Variants in TTC29 observed in about 807,000 individuals in gnomAD.
The protein encoded by TTC29 is tetratricopeptide repeat protein 29.
TTC29 carries 49 observed loss-of-function variants against 58.1 expected under a neutral mutation model. The observed-to-expected ratio is 0.84, with a 90% CI of 0.67 to 1.07. The LOEUF is 1.07. Among genes scored for constraint, TTC29 ranks in the 50% least tolerant of loss-of-function variants. The probability of loss-of-function intolerance (pLI) is 0.00; values close to 1 mark genes in which losing one functional copy is unlikely to be tolerated. For synonymous variants in TTC29, 209 were observed against 196.8 expected (o/e 1.06, Z -0.52); for missense variants, 582 against 555.6 (o/e 1.05, Z -0.48).
intron 6 of TTC29, among the ~76,000 whole-genome samples, chr4:146,887,985 A>C (rs1442995598): frequency 6.6e-6 from 1 of 152,068 alleles, no homozygotes; most frequent in African/African-American, 2.4e-5. Context: ...GACAAAGAGA[A>C]TATGTGCTGA....
intron 6 of TTC29, among the ~76,000 whole-genome samples, chr4:146,886,065 T>C (rs1197453578): frequency 6.6e-6 from 1 of 152,144 alleles, no homozygotes; most frequent in Non-Finnish European, 1.5e-5. Context: ...CTGTATTATA[T>C]ATAATGCATA....
At chr4:146,899,596 A>T (rs917660736) in intron 6 of TTC29, among the ~76,000 whole-genome samples, 5 of 151,942 alleles carry the variant, frequency 3.3e-5, no homozygotes, top group Admixed American at 2.6e-4. Context: ...CACACCAAAG[A>T]CCCATTTTTA....
chr4:146,707,196 A>T lies in TTC29; in HGVS notation c.1398-8T>A. On this transcript the variant is annotated splice_polypyrimidine_tract_variant and splice_region_variant and intron_variant, in intron 12 of 12. Transcript: ENST00000325106. ...TTTTGATCACCTGGAAACCTGAAAT[A>T]AAATAAATTATAAATTTAACTTTTA... 6.7e-7 allele frequency: 1 copy of T among 1,486,088 alleles called. No homozygotes were observed. Among genetic ancestry groups the T allele is most frequent in the South Asian group, 1.4e-5 (1 of 73,500 alleles). 92.1% of individuals were successfully genotyped at this position (1,486,088 alleles called of 1,614,324 possible).
In TTC29 at chr4:146,803,073, A is replaced by T. The variant is rs192762012; in HGVS notation, c.1330+384T>A. 8.6e-4 allele frequency among the ~76,000 whole-genome samples: 131 copies of T among 152,324 alleles called. 4 individuals are homozygous for T. The South Asian group carries it at 0.012, about 14-fold the overall frequency. On this transcript the variant is annotated intron_variant, in intron 11 of 12. Coordinates refer to ENST00000325106, the MANE Select transcript of TTC29 (RefSeq NM_031956.4). ...TACTTATCAGTAAAGTAAGCGCATA[A>T]AACAAATTAGCATTCATCTACAGTC...
intron 10 of TTC29, among the ~76,000 whole-genome samples, chr4:146,809,853 G>T (rs1024841900): frequency 6.7e-6 from 1 of 149,828 alleles, no homozygotes; most frequent in African/African-American, 2.5e-5. Flanking sequence ...AAGACAGGGT[G>T]GCAATTTCTC....
rs144956285 is a variant in TTC29, at chr4:146,742,102, G to A, written c.1331-34551C>T. Among the ~76,000 whole-genome samples the A allele has an allele frequency of 2.3e-3, 346 of 152,334 alleles. 4 individuals are homozygous for A. Among genetic ancestry groups the A allele is most frequent in the African/African-American group, 8.0e-3 (333 of 41,584 alleles). ...AGGCCATGATTTGAACCTAGATCAT[G>A]TGACCCCAGAGTTGGCACTTTGCAT... On this transcript the variant is annotated intron_variant, in intron 11 of 12. Coordinates refer to ENST00000325106, the MANE Select transcript of TTC29 (RefSeq NM_031956.4).
intron 8 of TTC29, among the ~76,000 whole-genome samples, chr4:146,842,888 T>C (rs1728936798): frequency 6.6e-6 from 1 of 152,190 alleles, no homozygotes; most frequent in Non-Finnish European, 1.5e-5. Flanking sequence ...CTTGAAATCA[T>C]TGTCAAATCT....
intron 5 of TTC29, 94 bp from the exon 6 acceptor site, chr4:146,903,823 T>G: frequency 1.1e-6 from 1 of 946,374 alleles, no homozygotes; most frequent in Non-Finnish European, 1.4e-6. Flanking sequence ...CTTCCTATTT[T>G]TCCTTAAAGA....
At position 146,857,277 on chromosome 4, in the gene TTC29, A is replaced by AGTGTGTGTGTGTGT. The variant is rs70958531; in HGVS notation, c.885+10207_885+10220dup. Among the ~76,000 whole-genome samples the AGTGTGTGTGTGTGT allele has an allele frequency of 8.4e-3, 1,252 of 149,412 alleles. 15 individuals are homozygous for AGTGTGTGTGTGTGT. The highest frequency in any genetic ancestry group is 0.03 in the African/African-American group (1,203 of 40,642). On this transcript the variant is annotated intron_variant, in intron 8 of 12. Transcript: ENST00000325106. ...GGCGCTGTTTGTGTACTAGTGGAAG[A>AGTGTGTGTGTGTGT]GTGTGTGTGTGTGTGTGTGTGGAGG...
At chr4:146,862,944 A>T (rs941834631) in intron 8 of TTC29, among the ~76,000 whole-genome samples, 1 of 152,018 alleles carries the variant, frequency 6.6e-6, no homozygotes, top group African/African-American at 2.4e-5. Flanking sequence ...AACACGGTGA[A>T]ACCCCGTCTG....
At chr4:146,866,227 A>G (rs1301508730) in intron 8 of TTC29, among the ~76,000 whole-genome samples, 1 of 152,192 alleles carries the variant, frequency 6.6e-6, no homozygotes, top group Non-Finnish European at 1.5e-5. Context: ...GAGAAAGAAT[A>G]TCTATGAGCT....
chr4:146,927,080 C>CAAAAAAAAAAAAA (rs55786171), intron 4 of TTC29, among the ~76,000 whole-genome samples: 1 of 110,086 alleles, frequency 9.1e-6, no homozygotes, highest in Non-Finnish European at 1.9e-5. Context: ...GACCCCATCT[C>CAAAAAAAAAAAAA]AAAAAAAAAA....
At chr4:146,780,302 GGTGT>G (rs57951745) in intron 11 of TTC29, among the ~76,000 whole-genome samples, 19,559 of 138,356 alleles carry the variant, frequency 0.14, 1,421 homozygotes, top group East Asian at 0.2. Flanking sequence ...CCTAACTTGG[GGTGT>G]GTGTGTGTGT....
At chr4:146,859,580 A>C (rs990308632) in intron 8 of TTC29, among the ~76,000 whole-genome samples, 3 of 152,098 alleles carry the variant, frequency 2.0e-5, no homozygotes, top group Non-Finnish European at 4.4e-5. Context: ...TACGCACATA[A>C]CAGTTATAAT....
chr4:146,793,282 CA>C (rs1749599779), intron 11 of TTC29, among the ~76,000 whole-genome samples: 1 of 152,094 alleles, frequency 6.6e-6, no homozygotes, highest in Admixed American at 6.6e-5. Context: ...ATCAATGTGA[CA>C]AACTGCATTA....
At chr4:146,914,821 T>C (rs1291252544) in intron 4 of TTC29, among the ~76,000 whole-genome samples, 1 of 152,062 alleles carries the variant, frequency 6.6e-6, no homozygotes, top group Non-Finnish European at 1.5e-5. Context: ...CCTAAAAAAA[T>C]GCAGAGATTT....
intron 4 of TTC29, among the ~76,000 whole-genome samples, chr4:146,930,445 C>T (rs1179714284): frequency 6.6e-6 from 1 of 152,064 alleles, no homozygotes. Context: ...TCTGTGGAAA[C>T]CCTGGTGAAG....
chr4:146,737,221 G>T (rs1744769845), intron 11 of TTC29, among the ~76,000 whole-genome samples: 1 of 152,098 alleles, frequency 6.6e-6, no homozygotes, highest in Admixed American at 6.6e-5. Flanking sequence ...CCCTTTTAAA[G>T]AAATGCCTAT....
chr4:146,788,469 G>C (rs1363396141), intron 11 of TTC29, among the ~76,000 whole-genome samples: 1 of 152,170 alleles, frequency 6.6e-6, no homozygotes, highest in East Asian at 1.9e-4. Flanking sequence ...AAATGTGCCA[G>C]ATTGGAGCCT....
Sources: allele counts gnomAD v4.1 joint callset (sites outside exome capture counted in the v4.1 genomes callset), GRCh38; gene constraint gnomAD v4.1.1; transcripts MANE v1.5; gene names NCBI Gene and HGNC (gene_info 2026-07-23, HGNC 2026-07-21).